Variants in CACHD1 observed in about 807,000 individuals in gnomAD.
CACHD1 encodes VWFA and cache domain-containing protein 1.
A neutral mutation model predicts 138.7 loss-of-function variants in CACHD1; 71 were observed. The observed-to-expected ratio is 0.51, with a 90% CI of 0.42 to 0.62. CACHD1 has a LOEUF of 0.62. CACHD1 is among the 20% of genes least tolerant of loss of function. The pLI is 0.00. For missense variants in CACHD1, 1,389 were observed against 1,625.3 expected, an observed-to-expected ratio of 0.85 and a Z score of 2.50; for synonymous variants, 578 against 591.5, an observed-to-expected ratio of 0.98 and a Z score of 0.33.
intron 26 of CACHD1, among the ~76,000 whole-genome samples, chr1:64,684,845 T>C (rs1044257901): frequency 1.3e-5 from 2 of 152,184 alleles, no homozygotes; most frequent in Non-Finnish European, 2.9e-5. Flanking sequence ...GTTTTGCTCT[T>C]GTCGCCCAGG....
chr1:64,596,013 GA>G (rs1647148129), intron 3 of CACHD1, among the ~76,000 whole-genome samples: 1 of 152,210 alleles, frequency 6.6e-6, no homozygotes, highest in Non-Finnish European at 1.5e-5. Context: ...TGCAGAGATG[GA>G]AGGAAAAACT....
At chr1:64,523,738 G>A (rs1331417738) in intron 1 of CACHD1, among the ~76,000 whole-genome samples, 5 of 152,134 alleles carry the variant, frequency 3.3e-5, no homozygotes, top group Admixed American at 6.6e-5. Context: ...AATGTAAGTT[G>A]ACATATAAAA....
chr1:64,673,597 A>C, intron 19 of CACHD1, 133 bp downstream of exon 19: 3 of 773,308 alleles, frequency 3.9e-6, no homozygotes, highest in Non-Finnish European at 6.5e-6. Flanking sequence ...ATAGGAGGAG[A>C]CAGGAGCTTA....
At chr1:64,477,794 C>T (rs1313270688) in intron 1 of CACHD1, among the ~76,000 whole-genome samples, 6 of 150,760 alleles carry the variant, frequency 4.0e-5, no homozygotes, top group Admixed American at 4.0e-4. Context: ...GCCACCGCGC[C>T]CGGCTAATTT....
intron 1 of CACHD1, among the ~76,000 whole-genome samples, chr1:64,548,492 A>T (rs1348425403): frequency 6.6e-6 from 1 of 152,214 alleles, no homozygotes; most frequent in African/African-American, 2.4e-5. Context: ...GACATTGACC[A>T]GGCCTCTAAG....
chr1:64,499,677 CAG>C (rs1222203604), intron 1 of CACHD1, among the ~76,000 whole-genome samples: 1 of 152,210 alleles, frequency 6.6e-6, no homozygotes, highest in Non-Finnish European at 1.5e-5. Flanking sequence ...AACTTTATCA[CAG>C]AAACAAATAT....
intron 8 of CACHD1, among the ~76,000 whole-genome samples, chr1:64,643,759 A>T (rs1557536080): frequency 6.6e-6 from 1 of 152,078 alleles, no homozygotes; most frequent in Non-Finnish European, 1.5e-5. Flanking sequence ...AAAGGCTAGA[A>T]CCCGGGAGGC....
Position 64,663,692 on chromosome 1 carries a change from C to T in CACHD1, c.1952-3C>T. 1 of 1,614,048 alleles carries T rather than the reference C, an allele frequency of 6.2e-7. No homozygotes were observed. Among genetic ancestry groups the T allele is most frequent in the Admixed American group, 1.7e-5 (1 of 60,014 alleles). On this transcript the variant is annotated splice_polypyrimidine_tract_variant and splice_region_variant and intron_variant, in intron 13 of 26. Coordinates refer to ENST00000651257, the MANE Select transcript of CACHD1 (RefSeq NM_020925.4). Reference sequence around the variant, plus strand: ...AGGCCTGCTTTGTTTGCTTCTCTTTCAGAAAGTCCCACCATCATGCTGTCT... The same window carrying T: ...AGGCCTGCTTTGTTTGCTTCTCTTTTAGAAAGTCCCACCATCATGCTGTCT...
At chr1:64,582,371 T>C in intron 3 of CACHD1, 67 bp downstream of exon 3, 1 of 1,362,892 alleles carries the variant, frequency 7.3e-7, no homozygotes. Flanking sequence ...TTTCATTTCA[T>C]ATTCAAAATA....
At chr1:64,650,868 T>G (rs902834542) in intron 9 of CACHD1, among the ~76,000 whole-genome samples, 4 of 152,148 alleles carry the variant, frequency 2.6e-5, no homozygotes, top group Non-Finnish European at 5.9e-5. Flanking sequence ...GATTGTGAAA[T>G]TGTTGGGGAT....
In CACHD1 at chr1:64,657,281, A is replaced by AT. The variant is rs536986210; in HGVS notation, c.1783-1417dup. Among the ~76,000 whole-genome samples the AT allele has an allele frequency of 2.6e-4, 40 of 152,270 alleles. No individual in the cohort carries two copies. In the South Asian group the frequency reaches 6.0e-3, roughly 23 times the overall value. On this transcript the variant is annotated intron_variant, in intron 12 of 26. Coordinates refer to ENST00000651257, the MANE Select transcript of CACHD1 (RefSeq NM_020925.4). ...TAGAGTTCCTTTTAATGTAGAGACT[A>AT]TTTTTTTCAGCTAAGAACATGACAG...
intron 1 of CACHD1, among the ~76,000 whole-genome samples, chr1:64,509,052 A>C: frequency 6.6e-6 from 1 of 152,206 alleles, no homozygotes; most frequent in East Asian, 1.9e-4. Context: ...TGCTAATTAT[A>C]AGAGAAAAAG....
At chr1:64,528,548 A>G (rs1027470895) in intron 1 of CACHD1, among the ~76,000 whole-genome samples, 1 of 152,210 alleles carries the variant, frequency 6.6e-6, no homozygotes, top group African/African-American at 2.4e-5. Flanking sequence ...ATATCACAGC[A>G]GAGATTTACT....
intron 25 of CACHD1, 121 bp downstream of exon 25, chr1:64,681,456 GTTT>G (rs1650172743): frequency 5.3e-6 from 3 of 564,068 alleles, no homozygotes; most frequent in Admixed American, 3.4e-5. Context: ...CGGTGGCTGG[GTTT>G]TTTTAGTTGT....
chr1:64,527,421 G>T (rs149149484), intron 1 of CACHD1, among the ~76,000 whole-genome samples: 1 of 152,186 alleles, frequency 6.6e-6, no homozygotes, highest in Non-Finnish European at 1.5e-5. Flanking sequence ...TGAGACAGTA[G>T]GCGTTTCTTC....
chr1:64,671,761 G>A lies in CACHD1; in HGVS notation c.2510+75G>A, dbSNP rs1265381014. 1.3e-5 allele frequency: 21 copies of A among 1,556,736 alleles called. 1 individual carries two copies. In the East Asian group the frequency reaches 4.3e-4, roughly 32 times the overall value. On this transcript the variant is annotated intron_variant, in intron 17 of 26. Transcript: ENST00000651257. ...GATGTCAGGTATCTCTAGTTGAATG[G>A]GAACCGCATAGTTATGGTCAGGAAT...
intron 2 of CACHD1, among the ~76,000 whole-genome samples, chr1:64,555,868 C>T (rs1033158474): frequency 6.6e-6 from 1 of 152,170 alleles, no homozygotes; most frequent in Non-Finnish European, 1.5e-5. Flanking sequence ...ACAATCTGTA[C>T]TTTCTTCATT....
intron 4 of CACHD1, chr1:64,613,410 T>C (rs568354895): frequency 6.6e-5 from 10 of 152,094 alleles, no homozygotes; most frequent in Non-Finnish European, 1.2e-4. Flanking sequence ...TAGTGTTGTG[T>C]AAAAATAACT....
intron 3 of CACHD1, among the ~76,000 whole-genome samples, chr1:64,588,085 T>C (rs1647065038): frequency 6.6e-6 from 1 of 152,204 alleles, no homozygotes. Context: ...TGACCTGATG[T>C]GTTATACCCA....
Sources: gnomAD v4.1 joint callset for allele counts (sites outside exome capture counted in the v4.1 genomes callset) on GRCh38, gnomAD v4.1.1 for gene constraint, MANE v1.5 for transcripts, NCBI Gene and HGNC (gene_info 2026-07-23, HGNC 2026-07-21) for gene names.